Variants in RORA observed in about 807,000 individuals in gnomAD.
RORA encodes the protein RAR related orphan receptor A, also known as nuclear receptor ROR-alpha.
In RORA, 7 loss-of-function variants were observed where a neutral mutation model predicts 69.5. The observed-to-expected ratio is 0.10, with a 90% confidence interval of 0.06 to 0.19. The LOEUF (loss-of-function observed/expected upper bound fraction) is 0.19, where lower values mean the gene tolerates loss of function less well. Ranked by LOEUF, RORA falls within the 10% of genes least tolerant of loss-of-function variation. The pLI, the probability that RORA is intolerant of heterozygous loss-of-function variation, is 1.00. For missense variants in RORA, 457 were observed against 663.0 expected (o/e 0.69, Z 3.41); for synonymous variants, 261 against 240.8 (o/e 1.08, Z -0.78).
At chr15:60,576,818 G>C (rs766606983) in intron 2 of RORA, among the ~76,000 whole-genome samples, 1 of 152,200 alleles carries the variant, frequency 6.6e-6, no homozygotes, top group African/African-American at 2.4e-5. Flanking sequence ...ATTCTCCAAG[G>C]TGCCTACATT....
At chr15:61,092,218 A>G (rs2078718055) in intron 1 of RORA, among the ~76,000 whole-genome samples, 1 of 152,250 alleles carries the variant, frequency 6.6e-6, no homozygotes, top group African/African-American at 2.4e-5. Context: ...CAGGGAAGAA[A>G]TAACGAAGGG....
chr15:61,203,952 C>G (rs1363053993), intron 1 of RORA, among the ~76,000 whole-genome samples: 3 of 152,146 alleles, frequency 2.0e-5, no homozygotes, highest in Non-Finnish European at 2.9e-5. Context: ...GCAGAGAGTA[C>G]CTATTTTTTC....
chr15:60,961,445 T>C (rs1263294515), intron 1 of RORA, among the ~76,000 whole-genome samples: 1 of 152,150 alleles, frequency 6.6e-6, no homozygotes, highest in Admixed American at 6.5e-5. Flanking sequence ...TAAAAAAAGG[T>C]AACAAGAAGA....
intron 1 of RORA, among the ~76,000 whole-genome samples, chr15:60,995,900 T>C (rs1894517694): frequency 6.6e-6 from 1 of 152,178 alleles, no homozygotes; most frequent in Non-Finnish European, 1.5e-5. Context: ...GGGAAAATCG[T>C]TTTCTTGCAG....
At chr15:60,800,424 G>A (rs149276248) in intron 1 of RORA, among the ~76,000 whole-genome samples, 3,471 of 152,246 alleles carry the variant, frequency 0.023, 49 homozygotes, top group Non-Finnish European at 0.034. Flanking sequence ...ACAAAATTTC[G>A]TTTTGGTAAC....
chr15:60,781,217 T>G (rs1330631100), intron 1 of RORA, among the ~76,000 whole-genome samples: 2 of 152,144 alleles, frequency 1.3e-5, no homozygotes, highest in Non-Finnish European at 2.9e-5. Flanking sequence ...TCTTGTTAAG[T>G]CACTGCTGCT....
At chr15:61,056,382 T>A (rs1437038585) in intron 1 of RORA, among the ~76,000 whole-genome samples, 1 of 152,214 alleles carries the variant, frequency 6.6e-6, no homozygotes, top group Non-Finnish European at 1.5e-5. Flanking sequence ...AATTCCTATC[T>A]GGAACTCTCT....
intron 1 of RORA, among the ~76,000 whole-genome samples, chr15:60,771,087 C>T (rs150983874): frequency 6.8e-4 from 103 of 152,308 alleles, no homozygotes; most frequent in South Asian, 2.7e-3. Context: ...CTATCCATAG[C>T]GCATAAGGGA....
At chr15:60,828,024 C>A (rs1031934580) in intron 1 of RORA, among the ~76,000 whole-genome samples, 31 of 152,166 alleles carry the variant, frequency 2.0e-4, no homozygotes, top group African/African-American at 7.0e-4. Context: ...AAACTAGTAC[C>A]AACTATGTTG....
intron 1 of RORA, among the ~76,000 whole-genome samples, chr15:61,098,494 T>G (rs1208230826): frequency 6.6e-6 from 1 of 152,000 alleles, no homozygotes; most frequent in Non-Finnish European, 1.5e-5. Context: ...GCACATGCCA[T>G]CATGCCCAGC....
At chr15:60,837,811 C>A (rs1036158275) in intron 1 of RORA, among the ~76,000 whole-genome samples, 22 of 151,824 alleles carry the variant, frequency 1.4e-4, no homozygotes, top group Non-Finnish European at 2.4e-4. Flanking sequence ...AAAAAAAAAA[C>A]AAAAACCTGG....
chr15:61,124,990 C>T (rs1018725547), intron 1 of RORA, among the ~76,000 whole-genome samples: 3 of 152,052 alleles, frequency 2.0e-5, no homozygotes, highest in South Asian at 2.1e-4. Flanking sequence ...CCTGCAAAAA[C>T]GCAAAAGAAA....
intron 1 of RORA, among the ~76,000 whole-genome samples, chr15:60,995,234 C>A (rs1005801576): frequency 6.6e-6 from 1 of 152,136 alleles, no homozygotes; most frequent in Non-Finnish European, 1.5e-5. Context: ...GCCAGTGCAG[C>A]TGGCTCCCTG....
chr15:61,174,587 T>C (rs550841330), intron 1 of RORA, among the ~76,000 whole-genome samples: 2 of 152,320 alleles, frequency 1.3e-5, no homozygotes, highest in African/African-American at 4.8e-5. Context: ...AAACTTCCTG[T>C]CATAAATTCT....
At chr15:60,772,517 C>T (rs1284754785) in intron 1 of RORA, among the ~76,000 whole-genome samples, 1 of 152,210 alleles carries the variant, frequency 6.6e-6, no homozygotes, top group East Asian at 1.9e-4. Context: ...AAATGTTTCT[C>T]TTTAAAAAAC....
chr15:60,599,543 T>G (rs1415425984), intron 2 of RORA, among the ~76,000 whole-genome samples: 1 of 151,448 alleles, frequency 6.6e-6, no homozygotes. Context: ...AGAGCAAGAC[T>G]CTGTCTTAAA....
At chr15:60,829,188 A>T (rs1370225151) in intron 1 of RORA, among the ~76,000 whole-genome samples, 1 of 152,140 alleles carries the variant, frequency 6.6e-6, no homozygotes, top group East Asian at 1.9e-4. Flanking sequence ...TGGAGACAGG[A>T]GATGCCTCCA....
chr15:61,158,493 TG>T (rs1822921422), intron 1 of RORA, among the ~76,000 whole-genome samples: 1 of 152,218 alleles, frequency 6.6e-6, no homozygotes, highest in Admixed American at 6.5e-5. Context: ...TATGTCTAAA[TG>T]GCTACATAGC....
At chr15:60,822,057 A>C (rs2072900086) in intron 1 of RORA, among the ~76,000 whole-genome samples, 1 of 152,226 alleles carries the variant, frequency 6.6e-6, no homozygotes, top group Non-Finnish European at 1.5e-5. Context: ...GTGTAGTCCA[A>C]ACCCTGATTG....
Sources: gnomAD v4.1 joint callset for allele counts (sites outside exome capture counted in the v4.1 genomes callset) on GRCh38, gnomAD v4.1.1 for gene constraint, MANE v1.5 for transcripts, NCBI Gene and HGNC (gene_info 2026-07-23, HGNC 2026-07-21) for gene names.